The following ILK variants were observed in gnomAD, a reference collection of about 807,000 sequenced individuals.
ILK encodes scaffold protein ILK.
In ILK, 37 loss-of-function variants were observed where a neutral mutation model predicts 57.8. That is an observed-to-expected ratio of 0.64 (90% CI 0.49 to 0.84). The LOEUF is 0.84. ILK is among the 40% of genes least tolerant of loss of function. ILK has a pLI of 0.00. For synonymous variants in ILK, 231 were observed against 202.2 expected (o/e 1.14, Z -1.21); for missense variants, 528 against 595.7 (o/e 0.89, Z 1.18).
At chr11:6,609,672 A>G in intron 9 of ILK, 33 bp downstream of exon 9, 1 of 1,614,106 alleles carries the variant, frequency 6.2e-7, no homozygotes, top group South Asian at 1.1e-5. Context: ...CTTGGGGAGG[A>G]AATGGCAGAG....
At chr11:6,604,468 TGAGTG>T in intron 2 of ILK, 108 bp downstream of exon 2, 1 of 978,126 alleles carries the variant, frequency 1.0e-6, no homozygotes, top group Non-Finnish European at 1.6e-6. Flanking sequence ...GCCAGTGTAA[TGAGTG>T]CTAAGCATAG....
intron 2 of ILK, among the ~76,000 whole-genome samples, chr11:6,605,897 C>CG (rs1854855757): frequency 6.6e-6 from 1 of 152,208 alleles, no homozygotes; most frequent in Non-Finnish European, 1.5e-5. Flanking sequence ...AAAAGTAGGC[C>CG]GGGCGCGGTG....
chr11:6,604,387 A>T, intron 2 of ILK, 27 bp downstream of exon 2: 1 of 1,573,182 alleles, frequency 6.4e-7, no homozygotes, highest in Non-Finnish European at 8.7e-7. Flanking sequence ...GGTGGATGAG[A>T]GGAAGGCTAG....
At position 6,608,480 on chromosome 11, in the gene ILK, A is replaced by C; in HGVS notation, c.342A>C (p.Gln114His). Residue 114 changes from glutamine (Q) to histidine (H), a missense_variant, in exon 4 of 13, where the codon CAA becomes CAC. By Grantham distance (24) the Gln-to-His change is conservative (BLOSUM62 0). Coordinates refer to ENST00000299421, the MANE Select transcript of ILK (RefSeq NM_004517.4). The surrounding 1 kb of genome is among the most constrained non-coding windows in gnomAD (Gnocchi z 4.9). Reference sequence around the variant, plus strand: ...ATGCCTGTTTTTGGGGCCAAGATCAAGTGGCAGAGGTGAGTACTCAGCCCT... The same window carrying C: ...ATGCCTGTTTTTGGGGCCAAGATCACGTGGCAGAGGTGAGTACTCAGCCCT... ...LHYACFWGQD[Q>H]VAEDLVANGA... 1 of 1,613,196 alleles carries C rather than the reference A, an allele frequency of 6.2e-7. No individual in the cohort carries two copies. Among genetic ancestry groups the C allele is most frequent in the Non-Finnish European group, 8.5e-7 (1 of 1,179,098 alleles).
chr11:6,606,378 C>G (rs1854910312), intron 2 of ILK: 1 of 152,152 alleles, frequency 6.6e-6, no homozygotes, highest in Non-Finnish European at 1.5e-5. Context: ...TCATCTTAGT[C>G]TAGACTTCAC....
At chr11:6,610,084 T>G in intron 11 of ILK, 49 bp downstream of exon 11, 1 of 1,613,248 alleles carries the variant, frequency 6.2e-7, no homozygotes. Flanking sequence ...ACCTCAGAAG[T>G]AGTGGAAGGG....
rs1194718809 is a variant in ILK at position 6,608,269 on chromosome 11, G to A, written c.255+58G>A. 1.3e-6 allele frequency: 2 copies of A among 1,595,926 alleles called. No individual in the cohort carries two copies. The highest frequency in any genetic ancestry group is 1.7e-6 in the Non-Finnish European group (2 of 1,163,486). On this transcript the variant is annotated intron_variant, in intron 3 of 12. Transcript: ENST00000299421. This position sits in a 1 kb window ranked among gnomAD's most constrained non-coding sequence, Gnocchi z 4.9. ...ATACATGCCATGAGGGTCAGTCACA[G>A]GCACTGTAACATACAGTAGAAAGCA...
Position 6,609,728 on chromosome 11 carries a change from C to T in ILK, c.861C>T (p.Phe287=), listed in dbSNP as rs779980137. The part of the protein sequence containing the change: ...LYNVLHEGTN[F]VVDQSQAVKF... ...TTGACTTTTGCCTCCTCTCAGATTT[C>T]GTCGTGGACCAGAGCCAGGCTGTGA... is the stretch of plus-strand genomic sequence containing the variant. Residue 287 remains phenylalanine (F), a synonymous_variant, in exon 10 of 13, where the codon TTC becomes TTT. Coordinates refer to ENST00000299421, the MANE Select transcript of ILK (RefSeq NM_004517.4). 29 of 1,614,070 alleles carry T rather than the reference C, an allele frequency of 1.8e-5. No individual in the cohort carries two copies. Among genetic ancestry groups the T allele is most frequent in the Admixed American group, 1.3e-4 (8 of 60,010 alleles).
At chr11:6,609,465 A>T (rs779585802) in intron 8 of ILK, 47 bp from the exon 9 acceptor site, 1 of 1,614,134 alleles carries the variant, frequency 6.2e-7, no homozygotes, top group Non-Finnish European at 8.5e-7. Context: ...AATAGCACTG[A>T]AAGAGATCTT....
intron 2 of ILK, chr11:6,604,644 A>G (rs1293941191): frequency 1.1e-5 from 6 of 548,632 alleles, no homozygotes; most frequent in Non-Finnish European, 2.0e-5. Flanking sequence ...AGAACAGGAA[A>G]TTGTCTGGAG....
intron 2 of ILK, among the ~76,000 whole-genome samples, chr11:6,605,300 G>A (rs911698773): frequency 6.6e-5 from 10 of 152,216 alleles, no homozygotes; most frequent in African/African-American, 2.2e-4. Flanking sequence ...GAAGGAGAAC[G>A]TCTCAGGAGA....
At position 6,610,753 on chromosome 11, in the gene ILK, C is replaced by G. The variant is rs1394349501; in HGVS notation, c.*142C>G. 1.3e-5 allele frequency: 17 copies of G among 1,334,316 alleles called. No homozygotes were observed. Among genetic ancestry groups the G allele is most frequent in the Non-Finnish European group, 1.6e-5 (15 of 941,304 alleles). The allele number at this position is 1,334,316 out of a possible 1,614,324, so 82.7% of individuals were successfully genotyped here. A position where few individuals can be genotyped will look rare whatever the true frequency, so the allele number is the denominator to read the frequency against. ...AGCCATGGGGTCCATCCCCTTCCCC[C>G]ATCCCTACCACTGTGGCCCCAAGAG... On this transcript the variant is annotated 3_prime_UTR_variant, in exon 13 of 13. Transcript: ENST00000299421.
Position 6,609,157 on chromosome 11 carries a change from G to A in ILK, c.618+1G>A, listed in dbSNP as rs1187047413. The A allele has an allele frequency of 6.2e-7, 1 of 1,613,400 alleles. No individual in the cohort carries two copies. Among genetic ancestry groups the A allele is most frequent in the East Asian group, 2.2e-5 (1 of 44,880 alleles). ...GCTCAACGAGAATCACTCTGGAGAG[G>A]TGACCCCTGCCCTTCTTGCCCTTCC... On this transcript the variant is annotated splice_donor_variant, in intron 7 of 12. Transcript: ENST00000299421. LOFTEE classifies it high-confidence loss of function.
intron 2 of ILK, chr11:6,607,550 G>A (rs890164623): frequency 1.1e-5 from 2 of 174,178 alleles, no homozygotes; most frequent in South Asian, 2.4e-4. Context: ...ATAAGTTGTG[G>A]CCTGCCTTCT....
chr11:6,608,283 C>T lies in ILK; in HGVS notation c.255+72C>T. On this transcript the variant is annotated intron_variant, in intron 3 of 12. Transcript: ENST00000299421. This position sits in a 1 kb window ranked among gnomAD's most constrained non-coding sequence, Gnocchi z 4.9. ...GGTCAGTCACAGGCACTGTAACATACAGTAGAAAGCATGTGTGCTCTTCCC... is the reference window on the plus strand; with the variant it reads ...GGTCAGTCACAGGCACTGTAACATATAGTAGAAAGCATGTGTGCTCTTCCC... The T allele has an allele frequency of 6.3e-7, 1 of 1,580,394 alleles. No homozygotes were observed. The highest frequency in any genetic ancestry group is 2.2e-5 in the East Asian group (1 of 44,700).
At chr11:6,610,110 G>A in intron 11 of ILK, 38 bp from the exon 12 acceptor site, 1 of 1,614,198 alleles carries the variant, frequency 6.2e-7, no homozygotes, top group Non-Finnish European at 8.5e-7. Context: ...AGACAGGACA[G>A]GCAAGGGGGC....
rs367674502 is a variant in ILK, at chr11:6,608,369, C to G, written c.256-25C>G. 6.2e-7 allele frequency: 1 copy of G among 1,609,860 alleles called. No individual in the cohort carries two copies. Among genetic ancestry groups the G allele is most frequent in the Non-Finnish European group, 8.5e-7 (1 of 1,176,090 alleles). On this transcript the variant is annotated intron_variant, in intron 3 of 12. Coordinates refer to ENST00000299421, the MANE Select transcript of ILK (RefSeq NM_004517.4). This position sits in a 1 kb window ranked among gnomAD's most constrained non-coding sequence, Gnocchi z 4.9. ...GAACTGACTGTACTTTCTGCCTCTT[C>G]TTTTTGTCTGGCCATGGGGTCCAGC...
Position 6,610,706 on chromosome 11 carries a change from C to T in ILK, c.*95C>T, listed in dbSNP as rs1855418686. On this transcript the variant is annotated 3_prime_UTR_variant, in exon 13 of 13. Transcript: ENST00000299421. Reference sequence around the variant, plus strand: ...AGCAGGCCTCTGGTTGCCTCCCCCGCCTCCAGTCATGGTACTACCCCAGCC... The same window carrying T: ...AGCAGGCCTCTGGTTGCCTCCCCCGTCTCCAGTCATGGTACTACCCCAGCC... 1 of 1,496,652 alleles carries T rather than the reference C, an allele frequency of 6.7e-7. No homozygotes were observed. The highest frequency in any genetic ancestry group is 1.4e-5 in the African/African-American group (1 of 72,590). 92.7% of individuals were successfully genotyped at this position (1,496,652 alleles called of 1,614,324 possible).
In ILK at chr11:6,610,241, C is replaced by T; in HGVS notation, c.1172C>T (p.Pro391Leu). The change falls in exon 12 of 13, where the codon CCC becomes CTC. Residue 391 changes from proline to leucine, a missense_variant. By Grantham distance (98) the Pro-to-Leu change is moderately conservative. Transcript: ENST00000299421. ...LLWELVTREVPFADLSNMEIG... is the reference protein window; with the variant it reads ...LLWELVTREVLFADLSNMEIG... ...TGGGAACTGGTGACACGGGAGGTACCCTTTGCTGACCTCTCCAATATGGAG... is the reference window on the plus strand; with the variant it reads ...TGGGAACTGGTGACACGGGAGGTACTCTTTGCTGACCTCTCCAATATGGAG... The T allele has an allele frequency of 6.2e-7, 1 of 1,614,192 alleles. No homozygotes were observed. Among genetic ancestry groups the T allele is most frequent in the Non-Finnish European group, 8.5e-7 (1 of 1,180,034 alleles).
Sources: allele counts gnomAD v4.1 joint callset (sites outside exome capture counted in the v4.1 genomes callset), GRCh38; gene constraint gnomAD v4.1.1; non-coding constraint Gnocchi (gnomAD v3.1); transcripts MANE v1.5; gene names NCBI Gene and HGNC (gene_info 2026-07-23, HGNC 2026-07-21).